Variants in BRINP3 observed in about 807,000 individuals in gnomAD.
BRINP3 encodes the protein BMP/retinoic acid inducible neural specific 3.
Under a neutral mutation model 71.0 loss-of-function variants are expected in BRINP3, and 19 were observed. That is an observed-to-expected ratio of 0.27 (90% CI 0.19 to 0.39). BRINP3 has a LOEUF of 0.39. BRINP3 is among the 10% of genes least tolerant of loss of function. BRINP3 has a pLI of 1.00. For synonymous variants in BRINP3, 380 were observed against 337.7 expected (o/e 1.13, Z -1.37); for missense variants, 959 against 940.8 (o/e 1.02, Z -0.25).
chr1:190,350,204 A>C (rs1668287412), intron 2 of BRINP3, among the ~76,000 whole-genome samples: 1 of 152,152 alleles, frequency 6.6e-6, no homozygotes, highest in Non-Finnish European at 1.5e-5. Context: ...AGATGAAATA[A>C]CATGAATTTC....
chr1:190,299,229 A>G (rs1422152099), intron 2 of BRINP3, among the ~76,000 whole-genome samples: 1 of 152,048 alleles, frequency 6.6e-6, no homozygotes, highest in Non-Finnish European at 1.5e-5. Context: ...CAGCTTACAT[A>G]GGAGCTAAGT....
intron 7 of BRINP3, among the ~76,000 whole-genome samples, chr1:190,111,459 C>T (rs1652689322): frequency 6.6e-6 from 1 of 152,006 alleles, no homozygotes; most frequent in Admixed American, 6.6e-5. Flanking sequence ...ACATTGGTGC[C>T]TATCCAATAT....
intron 6 of BRINP3, among the ~76,000 whole-genome samples, chr1:190,161,582 T>A (rs145659868): frequency 0.011 from 1,701 of 152,042 alleles, 35 homozygotes; most frequent in African/African-American, 0.039. Context: ...TGTTTTTGAG[T>A]CAATAATTGT....
At chr1:190,393,656 T>A (rs1471452706) in intron 2 of BRINP3, among the ~76,000 whole-genome samples, 1 of 151,622 alleles carries the variant, frequency 6.6e-6, no homozygotes, top group African/African-American at 2.4e-5. Flanking sequence ...AATCATGTAT[T>A]TAAAAAGAGA....
intron 2 of BRINP3, among the ~76,000 whole-genome samples, chr1:190,345,825 T>G (rs1387368008): frequency 6.6e-6 from 1 of 151,836 alleles, no homozygotes; most frequent in African/African-American, 2.4e-5. Context: ...AATATGTTCT[T>G]TCTTTAGAAC....
intron 6 of BRINP3, among the ~76,000 whole-genome samples, chr1:190,170,032 A>G (rs990416092): frequency 5.7e-4 from 87 of 152,322 alleles, no homozygotes; most frequent in Non-Finnish European, 6.5e-4. Context: ...TGAAAAAAGT[A>G]AGGCTCCTGC....
In BRINP3 at chr1:190,209,485, C is replaced by T. The variant is rs367586494; in HGVS notation, c.961+16597G>A. On this transcript the variant is annotated intron_variant, in intron 6 of 7. Transcript: ENST00000367462. ...CAGTTTTTTCTCAAGCTTCCTTTAT[C>T]AAAACAAGTCACATGGCCATACCTA... Among the ~76,000 whole-genome samples, 34 of 152,140 alleles carry T rather than the reference C, an allele frequency of 2.2e-4. No homozygotes were observed. The South Asian group carries it at 7.0e-3, about 32-fold the overall frequency.
chr1:190,160,842 T>A lies in BRINP3; in HGVS notation c.1010A>T (p.Asn337Ile), dbSNP rs770029165. ...MKRLPMNYFL[N>I]TSTIMHLWTM... ...CCACAAATGCATTATAGTAGATGTG[T>A]TGAGGAAATAATTCATAGGTAGCCT... The change falls in exon 7 of 8, where the codon AAC becomes ATC. Residue 337 changes from asparagine to isoleucine, a missense_variant. By Grantham distance (149) the Asn-to-Ile change is moderately radical (BLOSUM62 -3). Transcript: ENST00000367462. The A allele has an allele frequency of 6.2e-7, 1 of 1,613,032 alleles. No individual in the cohort carries two copies. Among genetic ancestry groups the A allele is most frequent in the South Asian group, 1.1e-5 (1 of 90,904 alleles).
rs559809520 is a variant in BRINP3 at position 190,324,808 on chromosome 1, A to G, written c.237-43058T>C. 2.2e-3 allele frequency among the ~76,000 whole-genome samples: 337 copies of G among 152,048 alleles called. 1 individual carries two copies. Among genetic ancestry groups the G allele is most frequent in the African/African-American group, 7.7e-3 (319 of 41,546 alleles). ...TTTTGTCATAAGTTTAGTGAAATAA[A>G]TTACCCGTAATTAATTGAGGGTAGA... On this transcript the variant is annotated intron_variant, in intron 2 of 7. Transcript: ENST00000367462.
chr1:190,422,856 G>A (rs1673470954), intron 2 of BRINP3, among the ~76,000 whole-genome samples: 2 of 151,566 alleles, frequency 1.3e-5, no homozygotes, highest in Non-Finnish European at 3.0e-5. Context: ...ATCTTCTTTT[G>A]ACATATATGA....
At chr1:190,257,959 C>T (rs1660820639) in intron 4 of BRINP3, among the ~76,000 whole-genome samples, 1 of 152,202 alleles carries the variant, frequency 6.6e-6, no homozygotes, top group Non-Finnish European at 1.5e-5. Context: ...CTTGAGGAGG[C>T]AATCTGTCCA....
rs372106848 is a variant in BRINP3, at chr1:190,098,412, T to A, written c.1907A>T (p.Asn636Ile). Residue 636 changes from asparagine (N) to isoleucine (I), a missense_variant, in exon 8 of 8, where the codon AAT (asparagine) becomes ATT (isoleucine). By Grantham distance (149) the Asn-to-Ile change is moderately radical (BLOSUM62 -3). Coordinates refer to ENST00000367462, the MANE Select transcript of BRINP3 (RefSeq NM_199051.3). ...AATGCTCTCATTACCATTGGGACCA[T>A]TGGACTTGATGCGACTTCTCAGGTA... Reference protein sequence around the residue: ...HIYLRSRIKSNGPNGNESIYY... With the variant: ...HIYLRSRIKSIGPNGNESIYY... 27 of 1,614,194 alleles carry A rather than the reference T, an allele frequency of 1.7e-5. No individual in the cohort carries two copies. Among genetic ancestry groups the A allele is most frequent in the Non-Finnish European group, 2.2e-5 (26 of 1,180,032 alleles).
chr1:190,277,900 G>A (rs1286558951), intron 3 of BRINP3, among the ~76,000 whole-genome samples: 2 of 151,644 alleles, frequency 1.3e-5, no homozygotes, highest in East Asian at 3.9e-4. Flanking sequence ...TTACTATATC[G>A]ATAAACAGTC....
At chr1:190,186,726 A>C (rs1653559882) in intron 6 of BRINP3, among the ~76,000 whole-genome samples, 1 of 152,186 alleles carries the variant, frequency 6.6e-6, no homozygotes, top group South Asian at 2.1e-4. Flanking sequence ...TCATTTAAAA[A>C]TTCATGGGCA....
chr1:190,099,005 G>A lies in BRINP3; in HGVS notation c.1314C>T (p.Phe438=). Residue 438 remains phenylalanine, a synonymous_variant, in exon 8 of 8, where the codon TTC becomes TTT. Coordinates refer to ENST00000367462, the MANE Select transcript of BRINP3 (RefSeq NM_199051.3). The stretch of plus-strand genomic sequence containing the variant: ...AGGCGTCTCCCACTGTGCAGGGCAG[G>A]AACGCGGTGCAGACCACCTGGTCAT... ...CPNDQVVCTA[F]LPCTVGDASA... 1 of 1,614,166 alleles carries A rather than the reference G, an allele frequency of 6.2e-7. No individual in the cohort carries two copies. The highest frequency in any genetic ancestry group is 8.5e-7 in the Non-Finnish European group (1 of 1,180,030).
At chr1:190,127,548 C>A (rs936729129) in intron 7 of BRINP3, among the ~76,000 whole-genome samples, 1 of 151,782 alleles carries the variant, frequency 6.6e-6, no homozygotes, top group Non-Finnish European at 1.5e-5. Flanking sequence ...TTTTGTTACA[C>A]CCACAATTAT....
intron 2 of BRINP3, among the ~76,000 whole-genome samples, chr1:190,362,523 A>T (rs949806514): frequency 6.6e-6 from 1 of 152,172 alleles, no homozygotes; most frequent in Non-Finnish European, 1.5e-5. Flanking sequence ...AAACTGGCTG[A>T]TATCTGTGAT....
rs34098782 is a variant in BRINP3 at position 190,099,078 on chromosome 1, C to T, written c.1241G>A (p.Gly414Asp). ...IQSFLYCNENGLLGSFSEETH... is the reference protein window; with the variant it reads ...IQSFLYCNENDLLGSFSEETH... ...CTCTTCTGAAAAGCTGCCTAGGAGG[C>T]CGTTCTCATTGCAGTAGAGAAAAGA... Residue 414 changes from glycine (G) to aspartate (D), a missense_variant, in exon 8 of 8, where the codon GGC (glycine) becomes GAC (aspartate). By Grantham distance (94) the Gly-to-Asp change is moderately conservative. Transcript: ENST00000367462. 1.2e-6 allele frequency: 2 copies of T among 1,614,096 alleles called. No homozygotes were observed. The highest frequency in any genetic ancestry group is 1.7e-6 in the Non-Finnish European group (2 of 1,179,970).
chr1:190,151,788 T>A (rs1656414853), intron 7 of BRINP3, among the ~76,000 whole-genome samples: 1 of 151,854 alleles, frequency 6.6e-6, no homozygotes, highest in Non-Finnish European at 1.5e-5. Context: ...CAAAGAAGAG[T>A]CTTCCAAAAT....
Sources: allele counts gnomAD v4.1 joint callset (sites outside exome capture counted in the v4.1 genomes callset), GRCh38; gene constraint gnomAD v4.1.1; transcripts MANE v1.5; gene names NCBI Gene and HGNC (gene_info 2026-07-23, HGNC 2026-07-21).